VRK1: variants seen among roughly 807,000 people sequenced by gnomAD.
VRK1 encodes serine/threonine-protein kinase VRK1.
Under a neutral mutation model 57.1 loss-of-function variants are expected in VRK1, and 33 were observed. The observed-to-expected ratio is 0.58, with a 90% CI of 0.44 to 0.77. The LOEUF (loss-of-function observed/expected upper bound fraction) is 0.77. VRK1 is among the 30% of genes least tolerant of loss of function. The pLI is 0.00. For synonymous variants in VRK1, 137 were observed against 147.8 expected, an observed-to-expected ratio of 0.93 and a Z score of 0.53; for missense variants, 413 against 477.3, an observed-to-expected ratio of 0.87 and a Z score of 1.25.
intron 2 of VRK1, among the ~76,000 whole-genome samples, chr14:96,835,763 T>G (rs1887188718): frequency 6.6e-6 from 1 of 152,168 alleles, no homozygotes. Context: ...CTGGGTGACT[T>G]CTCAGATCCA....
intron 1 of VRK1, among the ~76,000 whole-genome samples, chr14:96,805,268 T>C (rs1417841522): frequency 2.0e-4 from 31 of 152,228 alleles, no homozygotes; most frequent in Admixed American, 2.0e-3. Flanking sequence ...TTTAAGGTTT[T>C]GGTCTTAGGG....
In VRK1 at chr14:96,856,175, T is replaced by C; in HGVS notation, c.755T>C (p.Ile252Thr). 6.2e-7 allele frequency: 1 copy of C among 1,613,784 alleles called. No individual in the cohort carries two copies. The highest frequency in any genetic ancestry group is 8.5e-7 in the Non-Finnish European group (1 of 1,179,796). ...GDLEILGYCM[I>T]QWLTGHLPWE... ...TTGGAAATACTTGGTTATTGCATGA[T>C]CCAATGGCTTACTGGCCATCTTCCT... Residue 252 changes from isoleucine to threonine, a missense_variant, in exon 9 of 13, where the codon ATC (isoleucine) becomes ACC (threonine). Physicochemically the swap from Ile to Thr is moderately conservative, Grantham distance 89. Coordinates refer to ENST00000216639, the MANE Select transcript of VRK1 (RefSeq NM_003384.3).
chr14:96,877,761 C>A, intron 12 of VRK1: 2 of 807,218 alleles, frequency 2.5e-6, no homozygotes, highest in Non-Finnish European at 3.0e-6. Context: ...CCTTTCTTGA[C>A]TGCCTGGACA....
chr14:96,827,437 C>T (rs1886842987), intron 1 of VRK1, among the ~76,000 whole-genome samples: 1 of 151,620 alleles, frequency 6.6e-6, no homozygotes, highest in Admixed American at 6.6e-5. Context: ...TGGCTGTCAG[C>T]TCTACTTACT....
intron 1 of VRK1, among the ~76,000 whole-genome samples, chr14:96,824,892 A>T (rs1325580712): frequency 6.6e-6 from 1 of 152,002 alleles, no homozygotes; most frequent in Non-Finnish European, 1.5e-5. Flanking sequence ...TGACCTCGTG[A>T]TCCACCCGCC....
intron 1 of VRK1, among the ~76,000 whole-genome samples, chr14:96,825,794 GTC>G (rs1416062788): frequency 2.0e-5 from 3 of 152,156 alleles, no homozygotes; most frequent in Non-Finnish European, 2.9e-5. Flanking sequence ...GAATCAGAGT[GTC>G]TCTATACAGT....
At chr14:96,847,742 CAG>C (rs746768134) in intron 5 of VRK1, among the ~76,000 whole-genome samples, 7 of 152,316 alleles carry the variant, frequency 4.6e-5, no homozygotes, top group Admixed American at 3.3e-4. Flanking sequence ...TCTGCCCACA[CAG>C]AAATGTTGGA....
chr14:96,819,893 G>C (rs1886533682), intron 1 of VRK1, among the ~76,000 whole-genome samples: 1 of 152,186 alleles, frequency 6.6e-6, no homozygotes, highest in Admixed American at 6.6e-5. Context: ...CCCTGGAGAA[G>C]AATTGGGCCC....
At position 96,835,306 on chromosome 14, in the gene VRK1, T is replaced by C. The variant is rs375205328; in HGVS notation, c.160+1675T>C. Reference sequence around the variant, plus strand: ...TAGCATTTGATACTGTTTATCTTTGTTTCTCATAACAATTGCTTCCATTAT... The same window carrying C: ...TAGCATTTGATACTGTTTATCTTTGCTTCTCATAACAATTGCTTCCATTAT... On this transcript the variant is annotated intron_variant, in intron 2 of 12. Transcript: ENST00000216639. Among the ~76,000 whole-genome samples the C allele has an allele frequency of 3.3e-5, 5 of 152,374 alleles. No individual in the cohort carries two copies. The East Asian group carries it at 9.6e-4, about 29-fold the overall frequency.
chr14:96,821,870 A>G (rs1477889729), intron 1 of VRK1, among the ~76,000 whole-genome samples: 1 of 152,094 alleles, frequency 6.6e-6, no homozygotes, highest in African/African-American at 2.4e-5. Context: ...TGTTTCTAGA[A>G]CAAGCTGGAC....
At position 96,853,068 on chromosome 14, in the gene VRK1, T is replaced by C; in HGVS notation, c.484-6T>C. 6.2e-7 allele frequency: 1 copy of C among 1,613,674 alleles called. No individual in the cohort carries two copies. The highest frequency in any genetic ancestry group is 1.1e-5 in the South Asian group (1 of 91,080). On this transcript the variant is annotated splice_polypyrimidine_tract_variant and splice_region_variant and intron_variant, in intron 6 of 12. Coordinates refer to ENST00000216639, the MANE Select transcript of VRK1 (RefSeq NM_003384.3). ...CATTAACTTATTCTGTATGATACTT[T>C]CATAGCTGGATATTCTGGAATATAT... is the stretch of plus-strand genomic sequence containing the variant.
intron 7 of VRK1, among the ~76,000 whole-genome samples, chr14:96,854,989 C>G (rs1039045133): frequency 6.6e-6 from 1 of 152,084 alleles, no homozygotes; most frequent in Non-Finnish European, 1.5e-5. Context: ...TATATAAAGT[C>G]AAGTGATTAC....
At chr14:96,817,209 A>AT (rs1465070181) in intron 1 of VRK1, among the ~76,000 whole-genome samples, 2 of 152,096 alleles carry the variant, frequency 1.3e-5, no homozygotes, top group Non-Finnish European at 2.9e-5. Context: ...TTAAAGCCAT[A>AT]TTTATTTCTT....
intron 5 of VRK1, among the ~76,000 whole-genome samples, chr14:96,852,129 T>C (rs1887974742): frequency 6.6e-6 from 1 of 152,192 alleles, no homozygotes; most frequent in African/African-American, 2.4e-5. Context: ...GAATCTGAGT[T>C]TTGGGTGTTG....
chr14:96,870,839 A>G (rs1029752500), intron 11 of VRK1, among the ~76,000 whole-genome samples: 2 of 152,164 alleles, frequency 1.3e-5, no homozygotes, highest in Non-Finnish European at 2.9e-5. Context: ...TTCTAGGAGA[A>G]TGGATGACAG....
chr14:96,857,430 A>G (rs1888207921), intron 10 of VRK1, among the ~76,000 whole-genome samples: 2 of 152,090 alleles, frequency 1.3e-5, no homozygotes. Context: ...GGCAGAAGGG[A>G]CACTAGTGCC....
chr14:96,807,725 C>T (rs1429096263), intron 1 of VRK1, among the ~76,000 whole-genome samples: 1 of 152,136 alleles, frequency 6.6e-6, no homozygotes, highest in Non-Finnish European at 1.5e-5. Context: ...TGTTTGTATG[C>T]ATTAGTTTTG....
chr14:96,798,100 G>T (rs1479441622), intron 1 of VRK1, among the ~76,000 whole-genome samples: 1 of 152,188 alleles, frequency 6.6e-6, no homozygotes, highest in African/African-American at 2.4e-5. Flanking sequence ...GTCACATCGC[G>T]GGGAGGCCCC....
intron 1 of VRK1, among the ~76,000 whole-genome samples, chr14:96,805,799 G>A (rs1038763918): frequency 1.1e-4 from 16 of 152,134 alleles, no homozygotes; most frequent in African/African-American, 3.4e-4. Flanking sequence ...TGAAAGAAGG[G>A]CAGTGTTAAA....
Sources: gnomAD v4.1 joint callset for allele counts (sites outside exome capture counted in the v4.1 genomes callset) on GRCh38, gnomAD v4.1.1 for gene constraint, MANE v1.5 for transcripts, NCBI Gene and HGNC (gene_info 2026-07-23, HGNC 2026-07-21) for gene names.